The following PCDHA7 variants were observed in gnomAD, a reference collection of about 807,000 sequenced individuals.
PCDHA7 encodes protocadherin alpha-7.
A neutral mutation model predicts 57.2 loss-of-function variants in PCDHA7; 37 were observed. The observed-to-expected ratio is 0.65, with a 90% CI of 0.50 to 0.85. The LOEUF (loss-of-function observed/expected upper bound fraction) is 0.85. PCDHA7 is among the 40% of genes least tolerant of loss of function. The pLI is 0.00. For missense variants in PCDHA7, 1,188 were observed against 1,241.8 expected, an observed-to-expected ratio of 0.96 and a Z score of 0.65; for synonymous variants, 553 against 558.8, an observed-to-expected ratio of 0.99 and a Z score of 0.15.
In PCDHA7 at chr5:140,964,167, C is replaced by T. The variant is rs370784169; in HGVS notation, c.2356-14782C>T. Reference sequence around the variant, plus strand: ...AGCCTCAGTATAATGGTGTGAGGAACGAAATCATTATAGTGCCAAATAGAG... The same window carrying T: ...AGCCTCAGTATAATGGTGTGAGGAATGAAATCATTATAGTGCCAAATAGAG... On this transcript the variant is annotated intron_variant, in intron 1 of 3. Coordinates refer to ENST00000525929, the MANE Select transcript of PCDHA7 (RefSeq NM_018910.3). Among the ~76,000 whole-genome samples, 16 of 152,250 alleles carry T rather than the reference C, an allele frequency of 1.1e-4. 1 individual carries two copies. The highest frequency in any genetic ancestry group is 3.4e-4 in the African/African-American group (14 of 41,544).
chr5:140,908,848 C>T (rs949816953), intron 1 of PCDHA7, among the ~76,000 whole-genome samples: 4 of 152,126 alleles, frequency 2.6e-5, no homozygotes, highest in East Asian at 3.9e-4. Context: ...GAGTAACATA[C>T]CCAAATGAGG....
intron 1 of PCDHA7, among the ~76,000 whole-genome samples, chr5:140,846,375 T>TG (rs1272448180): frequency 8.0e-6 from 1 of 125,456 alleles, no homozygotes; most frequent in African/African-American, 3.3e-5. Flanking sequence ...CTTTCTTTCT[T>TG]TTTTTTTTTT....
In PCDHA7 at chr5:140,839,228, G is replaced by C. The variant is rs773394985; in HGVS notation, c.2355+2490G>C. ...ACCTTCAAAGATGTAACTGTAATCT[G>C]TTTTTATTGCTTTGCTTTTATGCTT... On this transcript the variant is annotated intron_variant, in intron 1 of 3. Coordinates refer to ENST00000525929, the MANE Select transcript of PCDHA7 (RefSeq NM_018910.3). Among the ~76,000 whole-genome samples the C allele has an allele frequency of 4.0e-5, 6 of 151,740 alleles. 1 individual carries two copies. Among genetic ancestry groups the C allele is most frequent in the Non-Finnish European group, 8.8e-5 (6 of 67,928 alleles).
At chr5:141,005,556 G>T (rs62384513) in intron 3 of PCDHA7, among the ~76,000 whole-genome samples, 1 of 151,476 alleles carries the variant, frequency 6.6e-6, no homozygotes, top group South Asian at 2.1e-4. Flanking sequence ...ACAAAAATTA[G>T]CCGGGCATGG....
chr5:140,847,295 C>G (rs1780942719), intron 1 of PCDHA7, among the ~76,000 whole-genome samples: 1 of 149,718 alleles, frequency 6.7e-6, no homozygotes, highest in Non-Finnish European at 1.5e-5. Flanking sequence ...AACTCAGAAG[C>G]TCCTGCAGTA....
intron 1 of PCDHA7, chr5:140,847,797 C>A (rs192930610): frequency 1.3e-5 from 2 of 149,780 alleles, no homozygotes; most frequent in African/African-American, 2.4e-5. Flanking sequence ...ATATTTTATA[C>A]CTTTTCAATT....
intron 1 of PCDHA7, chr5:140,883,843 C>G: frequency 6.2e-7 from 1 of 1,612,786 alleles, no homozygotes; most frequent in Non-Finnish European, 8.5e-7. Context: ...CGTTGGACCA[C>G]GAGGAGCTGG....
intron 1 of PCDHA7, among the ~76,000 whole-genome samples, chr5:140,960,408 A>C (rs1006586468): frequency 6.6e-6 from 1 of 152,206 alleles, no homozygotes; most frequent in Admixed American, 6.5e-5. Flanking sequence ...GGGGGTGCCC[A>C]AAAAGTCAAC....
chr5:140,926,652 C>T, intron 1 of PCDHA7: 1 of 499,312 alleles, frequency 2.0e-6, no homozygotes, highest in East Asian at 3.6e-5. Flanking sequence ...CGGCCGGCTC[C>T]GCTTTCCCAG....
At position 140,946,014 on chromosome 5, in the gene PCDHA7, C is replaced by T. The variant is rs116323983; in HGVS notation, c.2356-32935C>T. On this transcript the variant is annotated intron_variant, in intron 1 of 3. Coordinates refer to ENST00000525929, the MANE Select transcript of PCDHA7 (RefSeq NM_018910.3). ...ATTGCATCAAACTAAAAAGCTCCTG[C>T]GCAGCAAAGAAAACAAGAGTGAAGG... Among the ~76,000 whole-genome samples, 849 of 151,986 alleles carry T rather than the reference C, an allele frequency of 5.6e-3. 7 individuals carry two copies. The highest frequency in any genetic ancestry group is 0.02 in the African/African-American group (814 of 41,504).
At chr5:140,956,363 A>G (rs938643620) in intron 1 of PCDHA7, among the ~76,000 whole-genome samples, 2 of 152,026 alleles carry the variant, frequency 1.3e-5, no homozygotes, top group African/African-American at 4.8e-5. Context: ...ACATGAAGGG[A>G]TGTTGAATTT....
rs183715022 is a variant in PCDHA7 at position 140,950,136 on chromosome 5, A to G, written c.2356-28813A>G. Among the ~76,000 whole-genome samples, 19 of 152,068 alleles carry G rather than the reference A, an allele frequency of 1.2e-4. No individual in the cohort carries two copies. The East Asian group carries it at 3.7e-3, about 29-fold the overall frequency. ...AATACAAAACCCACAAGACACAGTT[A>G]TAATTTTTGTTTAAGCAGTTATTAT... On this transcript the variant is annotated intron_variant, in intron 1 of 3. Transcript: ENST00000525929.
chr5:140,910,715 A>C (rs2075137767), intron 1 of PCDHA7, among the ~76,000 whole-genome samples: 1 of 152,118 alleles, frequency 6.6e-6, no homozygotes, highest in Admixed American at 6.5e-5. Flanking sequence ...GCCATCTTTT[A>C]ATCCATATTT....
chr5:141,000,163 A>G (rs2097894710), intron 3 of PCDHA7, among the ~76,000 whole-genome samples: 1 of 152,054 alleles, frequency 6.6e-6, no homozygotes, highest in African/African-American at 2.4e-5. Context: ...AAACTATTTG[A>G]TTATTGAGCC....
chr5:140,965,331 G>T (rs2153743444), intron 1 of PCDHA7, among the ~76,000 whole-genome samples: 1 of 152,252 alleles, frequency 6.6e-6, no homozygotes, highest in Non-Finnish European at 1.5e-5. Context: ...AAGTGAATTT[G>T]TTGTCTCTGT....
In PCDHA7 at chr5:140,853,829, C is replaced by T. The variant is rs782020407; in HGVS notation, c.2355+17091C>T. 4.9e-5 allele frequency: 48 copies of T among 986,432 alleles called. 3 individuals carry two copies. Among genetic ancestry groups the T allele is most frequent in the Non-Finnish European group, 5.4e-5 (44 of 818,590 alleles). The allele number at this position is 986,432 out of a possible 1,614,324, so 61.1% of individuals were successfully genotyped here. A position where few individuals can be genotyped will look rare whatever the true frequency, so the allele number is the denominator to read the frequency against. ...ACACCTGAGATGATTCTCATACAACCGAAATTTTAGATCCATAGCCCTATT... is the reference window on the plus strand; with the variant it reads ...ACACCTGAGATGATTCTCATACAACTGAAATTTTAGATCCATAGCCCTATT... On this transcript the variant is annotated intron_variant, in intron 1 of 3. Coordinates refer to ENST00000525929, the MANE Select transcript of PCDHA7 (RefSeq NM_018910.3).
intron 1 of PCDHA7, among the ~76,000 whole-genome samples, chr5:140,924,896 AAAAAAAAAATAAAAT>A (rs1195249436): frequency 5.8e-5 from 4 of 69,076 alleles, no homozygotes; most frequent in Non-Finnish European, 9.1e-5. Flanking sequence ...ACCTGTCTCA[AAAAAAAAAATAAAAT>A]AAAATAAAAT....
In PCDHA7 at chr5:140,849,224, C is replaced by G; in HGVS notation, c.2355+12486C>G. The G allele has an allele frequency of 1.9e-6, 2 of 1,040,424 alleles. 1 individual carries two copies. The allele number at this position is 1,040,424 out of a possible 1,614,324, so 64.4% of individuals were successfully genotyped here. A position where few individuals can be genotyped will look rare whatever the true frequency, so the allele number is the denominator to read the frequency against. On this transcript the variant is annotated intron_variant, in intron 1 of 3. Coordinates refer to ENST00000525929, the MANE Select transcript of PCDHA7 (RefSeq NM_018910.3). ...ACAATGACAATGCCCCAGTGTTCGACAGAACCCTGTATACGGTGAAATTAC... is the reference window on the plus strand; with the variant it reads ...ACAATGACAATGCCCCAGTGTTCGAGAGAACCCTGTATACGGTGAAATTAC...
At chr5:141,007,402 A>G in intron 3 of PCDHA7, among the ~76,000 whole-genome samples, 2 of 149,740 alleles carry the variant, frequency 1.3e-5, no homozygotes. Context: ...ATACAAAAAA[A>G]AAAAAAAAAA....
Sources: allele counts gnomAD v4.1 joint callset (sites outside exome capture counted in the v4.1 genomes callset), GRCh38; gene constraint gnomAD v4.1.1; transcripts MANE v1.5; gene names NCBI Gene and HGNC (gene_info 2026-07-23, HGNC 2026-07-21).